The following RAB11B variants were observed in gnomAD, a reference collection of about 807,000 sequenced individuals.
RAB11B encodes the protein ras-related protein Rab-11B.
RAB11B carries 7 observed loss-of-function variants against 23.7 expected under a neutral mutation model. The ratio of observed to expected loss-of-function variants is 0.29; its 90% CI spans 0.17 to 0.55. The LOEUF (loss-of-function observed/expected upper bound fraction) is 0.55. Among genes scored for constraint, RAB11B ranks in the 20% least tolerant of loss-of-function variants. RAB11B has a pLI of 0.93. For missense variants in RAB11B, 189 were observed against 320.0 expected (o/e 0.59, Z 3.12); for synonymous variants, 138 against 132.0 (o/e 1.05, Z -0.31).
At chr19:8,398,960 T>TTA (rs1491102837) in intron 1 of RAB11B, among the ~76,000 whole-genome samples, 1 of 46,518 alleles carries the variant, frequency 2.1e-5, no homozygotes, top group Non-Finnish European at 5.3e-5. Flanking sequence ...ATTATTATTA[T>TTA]TTTTTTTTTT....
intron 1 of RAB11B, among the ~76,000 whole-genome samples, chr19:8,399,147 G>T (rs1038569775): frequency 6.6e-6 from 1 of 152,004 alleles, no homozygotes; most frequent in Non-Finnish European, 1.5e-5. Flanking sequence ...TGGAGATGGG[G>T]TTTCACCACG....
At chr19:8,393,335 C>T (rs1315509294) in intron 1 of RAB11B, among the ~76,000 whole-genome samples, 3 of 152,168 alleles carry the variant, frequency 2.0e-5, no homozygotes, top group Non-Finnish European at 2.9e-5. Context: ...CCCTAGAGGC[C>T]CTGGCCAATC....
chr19:8,401,123 C>T (rs1971433694), intron 2 of RAB11B, among the ~76,000 whole-genome samples: 1 of 152,068 alleles, frequency 6.6e-6, no homozygotes, highest in Non-Finnish European at 1.5e-5. Context: ...CTCTGTCGCC[C>T]AGGCTGGAGT....
intron 1 of RAB11B, among the ~76,000 whole-genome samples, chr19:8,394,153 T>C (rs1038536896): frequency 6.6e-6 from 1 of 152,166 alleles, no homozygotes; most frequent in Non-Finnish European, 1.5e-5. Context: ...TGCCAGGGAC[T>C]GGTTGGGCAG....
intron 1 of RAB11B, 153 bp downstream of exon 1, chr19:8,390,609 C>T (rs1040583809): frequency 9.8e-5 from 76 of 779,288 alleles, no homozygotes; most frequent in Non-Finnish European, 1.1e-4. Flanking sequence ...GCCGACCGGG[C>T]AGCATCAGCT....
rs991119371 is a variant in RAB11B at position 8,396,598 on chromosome 19, G to A, written c.41-3265G>A. The stretch of plus-strand genomic sequence containing the variant: ...GGAGGGAGCCAGGTGTGTGCCTGGA[G>A]AAGAGCGTTTCTGGCAGCAGGAGCA... On this transcript the variant is annotated intron_variant, in intron 1 of 4. Coordinates refer to ENST00000328024, the MANE Select transcript of RAB11B (RefSeq NM_004218.4). The surrounding 1 kb of genome is among the most constrained non-coding windows in gnomAD (Gnocchi z 5.0). Among the ~76,000 whole-genome samples, 1 of 151,864 alleles carries A rather than the reference G, an allele frequency of 6.6e-6. No homozygotes were observed. Among genetic ancestry groups the A allele is most frequent in the African/African-American group, 2.4e-5 (1 of 41,306 alleles).
intron 1 of RAB11B, among the ~76,000 whole-genome samples, chr19:8,395,616 G>A (rs1431725506): frequency 2.6e-5 from 4 of 152,182 alleles, no homozygotes; most frequent in African/African-American, 4.8e-5. Flanking sequence ...CCATGGTGAC[G>A]TGAGAGAATG....
chr19:8,393,305 C>G (rs1396500700), intron 1 of RAB11B, among the ~76,000 whole-genome samples: 1 of 152,160 alleles, frequency 6.6e-6, no homozygotes, highest in Non-Finnish European at 1.5e-5. Flanking sequence ...CACTGAGGTC[C>G]TCTCAGAGCC....
intron 1 of RAB11B, among the ~76,000 whole-genome samples, chr19:8,399,242 C>T (rs538495538): frequency 1.3e-5 from 2 of 152,170 alleles, no homozygotes; most frequent in Admixed American, 6.5e-5. Flanking sequence ...TGTGAGCCAC[C>T]GCGCCCGGGT....
At position 8,393,921 on chromosome 19, in the gene RAB11B, C is replaced by T. The variant is rs367623320; in HGVS notation, c.40+3465C>T. ...TGTTTTTGCCAACCGGGCTTGCCTGCTCTGTCAGCCAAGTGGCGTGTCTGG... is the reference window on the plus strand; with the variant it reads ...TGTTTTTGCCAACCGGGCTTGCCTGTTCTGTCAGCCAAGTGGCGTGTCTGG... On this transcript the variant is annotated intron_variant, in intron 1 of 4. Coordinates refer to ENST00000328024, the MANE Select transcript of RAB11B (RefSeq NM_004218.4). Among the ~76,000 whole-genome samples, 12 of 152,234 alleles carry T rather than the reference C, an allele frequency of 7.9e-5. No homozygotes were observed. In the East Asian group the frequency reaches 1.2e-3, roughly 15 times the overall value.
chr19:8,402,834 G>T, intron 4 of RAB11B: 1 of 558,242 alleles, frequency 1.8e-6, no homozygotes. Context: ...GCTAATTTTT[G>T]TAATTTTTAG....
In RAB11B at chr19:8,403,460, CACG is replaced by C. The variant is rs1971454264; in HGVS notation, c.564_566del (p.Asp188del). ...GAAACAGATCGCAGACCGCGCTGCCCACGACGAGTCCCCGGGGAACAACGTGGT... is the reference window on the plus strand; with the variant it reads ...GAAACAGATCGCAGACCGCGCTGCCCACGAGTCCCCGGGGAACAACGTGGT... On this transcript the variant is annotated inframe_deletion, in exon 5 of 5. Coordinates refer to ENST00000328024, the MANE Select transcript of RAB11B (RefSeq NM_004218.4). 1 of 1,613,776 alleles carries C rather than the reference CACG, an allele frequency of 6.2e-7. No individual in the cohort carries two copies. Among genetic ancestry groups the C allele is most frequent in the Admixed American group, 1.7e-5 (1 of 59,994 alleles).
In RAB11B at chr19:8,402,112, T is replaced by C; in HGVS notation, c.263T>C (p.Leu88Pro). Residue 88 changes from leucine (L) to proline (P), a missense_variant, in exon 3 of 5, where the codon CTG (leucine) becomes CCG (proline). Leu to Pro is a moderately conservative substitution (Grantham distance 98). Transcript: ENST00000328024. ...TACTACCGTGGTGCAGTGGGCGCCC[T>C]GCTGGTGTACGACATCGCCAAGCAC... ...SAYYRGAVGA[L>P]LVYDIAKHLT... The C allele has an allele frequency of 6.2e-7, 1 of 1,605,628 alleles. No individual in the cohort carries two copies. The highest frequency in any genetic ancestry group is 8.5e-7 in the Non-Finnish European group (1 of 1,176,280).
At chr19:8,393,329 A>T (rs1228214098) in intron 1 of RAB11B, among the ~76,000 whole-genome samples, 2 of 151,996 alleles carry the variant, frequency 1.3e-5, no homozygotes, top group Non-Finnish European at 2.9e-5. Context: ...CCCCTACCCT[A>T]GAGGCCCTGG....
Position 8,403,421 on chromosome 19 carries a change from C to T in RAB11B, c.520C>T (p.Arg174Cys), listed in dbSNP as rs764840955. The T allele has an allele frequency of 2.5e-6, 4 of 1,613,352 alleles. No homozygotes were observed. Among genetic ancestry groups the T allele is most frequent in the South Asian group, 1.1e-5 (1 of 90,960 alleles). ...AFKNILTEIY[R>C]IVSQKQIADR... ...CTGTACCCCCTTTGCAGAGATCTACCGCATCGTGTCACAGAAACAGATCGC... is the reference window on the plus strand; with the variant it reads ...CTGTACCCCCTTTGCAGAGATCTACTGCATCGTGTCACAGAAACAGATCGC... Residue 174 changes from arginine (R) to cysteine (C), a missense_variant, in exon 5 of 5, where the codon CGC (arginine) becomes TGC (cysteine). By Grantham distance (180) the Arg-to-Cys change is radical (BLOSUM62 -3). This residue lies in a region of RAB11B where 122 missense variants were observed against 170.8 expected (regional missense o/e 0.71). Coordinates refer to ENST00000328024, the MANE Select transcript of RAB11B (RefSeq NM_004218.4).
At chr19:8,394,124 C>T (rs910909368) in intron 1 of RAB11B, among the ~76,000 whole-genome samples, 2 of 152,220 alleles carry the variant, frequency 1.3e-5, no homozygotes, top group African/African-American at 2.4e-5. Flanking sequence ...CTGGCCACCT[C>T]TCTGCATCGG....
At chr19:8,391,329 T>G (rs992156518) in intron 1 of RAB11B, among the ~76,000 whole-genome samples, 3 of 152,098 alleles carry the variant, frequency 2.0e-5, no homozygotes, top group Non-Finnish European at 4.4e-5. Context: ...TTAGGGGGCT[T>G]GTGGCCAGCA....
At chr19:8,392,224 C>G (rs1377192371) in intron 1 of RAB11B, among the ~76,000 whole-genome samples, 2 of 152,094 alleles carry the variant, frequency 1.3e-5, no homozygotes, top group African/African-American at 4.8e-5. Flanking sequence ...GTGGTTATCC[C>G]CTGCTTGTTA....
chr19:8,392,127 T>A (rs1037823750), intron 1 of RAB11B, among the ~76,000 whole-genome samples: 8 of 152,122 alleles, frequency 5.3e-5, no homozygotes, highest in Non-Finnish European at 4.4e-5. Context: ...GTGAGGCAGC[T>A]GCTCCCAGGT....
Sources: gnomAD v4.1 joint callset for allele counts (sites outside exome capture counted in the v4.1 genomes callset) on GRCh38, gnomAD v4.1.1 for gene constraint, gnomAD v4.1.1 regional missense constraint, Gnocchi (gnomAD v3.1) non-coding constraint, MANE v1.5 for transcripts, NCBI Gene and HGNC (gene_info 2026-07-23, HGNC 2026-07-21) for gene names.